SLC7A11: variants seen among roughly 807,000 people sequenced by gnomAD.
The protein encoded by SLC7A11 is cystine/glutamate transporter.
SLC7A11 carries 35 observed loss-of-function variants against 54.5 expected under a neutral mutation model. The observed-to-expected ratio is 0.64, with a 90% CI of 0.49 to 0.85. SLC7A11 has a LOEUF of 0.85. SLC7A11 is among the 40% of genes least tolerant of loss of function. SLC7A11 has a pLI of 0.00. For missense variants in SLC7A11, 583 were observed against 618.1 expected (o/e 0.94, Z 0.60); for synonymous variants, 230 against 225.2 (o/e 1.02, Z -0.19).
At chr4:138,179,491 A>T (rs905316839) in intron 10 of SLC7A11, 97 bp from the exon 11 acceptor site, 51 of 1,044,358 alleles carry the variant, frequency 4.9e-5, no homozygotes, top group Non-Finnish European at 5.8e-5. Context: ...TACTTTAGTG[A>T]TATGCTGTAG....
Position 138,170,250 on chromosome 4 carries a change from G to GTGTGTATATATATATATA in SLC7A11, c.*1705_*1706insTATATATATATATACACA, listed in dbSNP as rs1443314500. The GTGTGTATATATATATATA allele has an allele frequency of 1.3e-5, 1 of 74,074 alleles. No homozygotes were observed. The highest frequency in any genetic ancestry group is 4.7e-5 in the African/African-American group (1 of 21,364). The allele number at this position is 74,074 out of a possible 1,614,324, so 4.6% of individuals were successfully genotyped here. A position where few individuals can be genotyped will look rare whatever the true frequency, so the allele number is the denominator to read the frequency against. ...ATATAAAAAGTGTGTGTGTGTGTGT[G>GTGTGTATATATATATATA]TATATATATATATATATATATACAC... On this transcript the variant is annotated 3_prime_UTR_variant, in exon 12 of 12. Transcript: ENST00000280612.
chr4:138,206,996 C>A (rs114111056), intron 6 of SLC7A11, among the ~76,000 whole-genome samples: 1,277 of 113,232 alleles, frequency 0.011, no homozygotes, highest in Non-Finnish European at 0.015. Flanking sequence ...TAAAGAAAAG[C>A]AAAAAAAAAA....
intron 2 of SLC7A11, among the ~76,000 whole-genome samples, chr4:138,233,956 G>A (rs201160033): frequency 1.4e-5 from 2 of 147,532 alleles, no homozygotes; most frequent in Non-Finnish European, 3.0e-5. Context: ...TTTCCCAGGG[G>A]AAAACTTCTC....
intron 5 of SLC7A11, 46 bp from the exon 6 acceptor site, chr4:138,214,675 T>C (rs1737637642): frequency 2.9e-6 from 2 of 685,620 alleles, no homozygotes; most frequent in South Asian, 3.0e-5. Flanking sequence ...TATTTTACCA[T>C]TATCCAAAGT....
At chr4:138,191,397 GA>G (rs769675469) in intron 6 of SLC7A11, among the ~76,000 whole-genome samples, 1 of 152,066 alleles carries the variant, frequency 6.6e-6, no homozygotes, top group Non-Finnish European at 1.5e-5. Flanking sequence ...CTCCATAAAA[GA>G]AGAGAAGACA....
intron 2 of SLC7A11, among the ~76,000 whole-genome samples, chr4:138,233,819 T>C (rs1434343149): frequency 2.0e-5 from 3 of 152,224 alleles, no homozygotes; most frequent in Non-Finnish European, 4.4e-5. Flanking sequence ...CAAGGCTCCA[T>C]CTGGTCTAAG....
chr4:138,218,828 T>A (rs1352132902), intron 5 of SLC7A11, among the ~76,000 whole-genome samples: 1 of 152,184 alleles, frequency 6.6e-6, no homozygotes, highest in East Asian at 1.9e-4. Flanking sequence ...TTTCTACATC[T>A]GAGTTACTTC....
At chr4:138,212,841 T>C (rs998030595) in intron 6 of SLC7A11, among the ~76,000 whole-genome samples, 1 of 152,026 alleles carries the variant, frequency 6.6e-6, no homozygotes, top group Non-Finnish European at 1.5e-5. Flanking sequence ...TGTTATGTTA[T>C]AGGTCTTGTC....
chr4:138,172,826 C>T (rs554901090), intron 11 of SLC7A11, among the ~76,000 whole-genome samples: 1 of 152,020 alleles, frequency 6.6e-6, no homozygotes, highest in Non-Finnish European at 1.5e-5. Context: ...GACATTAGTT[C>T]TTGTTTGCCT....
At position 138,230,044 on chromosome 4, in the gene SLC7A11, G is replaced by GA. The variant is rs1457764228; in HGVS notation, c.520+2222dup. Reference sequence around the variant, plus strand: ...CTTAGTGGAACAGTGGACTTATCAAGAACTTTCTATAGGCAAGGCACTCTG... The same window carrying GA: ...CTTAGTGGAACAGTGGACTTATCAAGAAACTTTCTATAGGCAAGGCACTCTG... On this transcript the variant is annotated intron_variant, in intron 3 of 11. Coordinates refer to ENST00000280612, the MANE Select transcript of SLC7A11 (RefSeq NM_014331.4). 2.0e-5 allele frequency among the ~76,000 whole-genome samples: 3 copies of GA among 152,096 alleles called. No homozygotes were observed. The East Asian group carries it at 5.8e-4, about 29-fold the overall frequency.
chr4:138,183,147 C>T (rs1736787253), intron 8 of SLC7A11, 55 bp downstream of exon 8: 3 of 1,224,278 alleles, frequency 2.5e-6, no homozygotes, highest in Admixed American at 1.8e-5. Context: ...TTATCCTTAT[C>T]ACATCCAATC....
chr4:138,225,761 G>T (rs1000909670), intron 3 of SLC7A11, among the ~76,000 whole-genome samples: 13 of 152,040 alleles, frequency 8.6e-5, no homozygotes, highest in Admixed American at 7.9e-4. Context: ...CAAAAGGGCA[G>T]TGTTTTCTTT....
chr4:138,218,651 T>C (rs1412928883), intron 5 of SLC7A11, among the ~76,000 whole-genome samples: 2 of 152,200 alleles, frequency 1.3e-5, no homozygotes, highest in African/African-American at 4.8e-5. Flanking sequence ...GGCATCATGA[T>C]TTTAATCATC....
rs921456446 is a variant in SLC7A11, at chr4:138,165,599, C to T, written c.*6357G>A. The T allele has an allele frequency of 6.6e-6, 1 of 152,134 alleles. No homozygotes were observed. Among genetic ancestry groups the T allele is most frequent in the Admixed American group, 6.5e-5 (1 of 15,270 alleles). The allele number at this position is 152,134 out of a possible 1,614,324, so 9.4% of individuals were successfully genotyped here. A position where few individuals can be genotyped will look rare whatever the true frequency, so the allele number is the denominator to read the frequency against. On this transcript the variant is annotated 3_prime_UTR_variant, in exon 12 of 12. Transcript: ENST00000280612. The stretch of plus-strand genomic sequence containing the variant: ...ATGTTGAGAAGTTCTAGTGAAAAGT[C>T]ATACTATTGTGCAAAGATGAAAATT...
chr4:138,194,197 A>G (rs1560724043), intron 6 of SLC7A11, among the ~76,000 whole-genome samples: 2 of 151,886 alleles, frequency 1.3e-5, no homozygotes, highest in Non-Finnish European at 2.9e-5. Context: ...GGTGATGAAG[A>G]CTCCTGGTTG....
Position 138,242,175 on chromosome 4 carries a change from T to C in SLC7A11, c.-106A>G, listed in dbSNP as rs1578680924. The C allele has an allele frequency of 1.6e-5, 21 of 1,302,050 alleles. No individual in the cohort carries two copies. In the East Asian group the frequency reaches 5.3e-4, roughly 33 times the overall value. The allele number at this position is 1,302,050 out of a possible 1,614,324, so 80.7% of individuals were successfully genotyped here. A position where few individuals can be genotyped will look rare whatever the true frequency, so the allele number is the denominator to read the frequency against. ...TCGATGTCTTCCTCTGCTTTCAGAC[T>C]GTCTCTCTCAGCGCTATAGTGTTCA... On this transcript the variant is annotated 5_prime_UTR_variant, in exon 1 of 12. Coordinates refer to ENST00000280612, the MANE Select transcript of SLC7A11 (RefSeq NM_014331.4).
chr4:138,232,347 C>G lies in SLC7A11; in HGVS notation c.440G>C (p.Gly147Ala). 6.2e-7 allele frequency: 1 copy of G among 1,613,300 alleles called. No homozygotes were observed. Among genetic ancestry groups the G allele is most frequent in the Non-Finnish European group, 8.5e-7 (1 of 1,179,396 alleles). The change falls in exon 3 of 12, where the codon GGA (glycine) becomes GCA (alanine). Residue 147 changes from glycine (G) to alanine (A), a missense_variant. By Grantham distance (60) the Gly-to-Ala change is moderately conservative (BLOSUM62 0). Transcript: ENST00000280612. Reference protein sequence around the residue: ...AATAVISLAFGRYILEPFFIQ... With the variant: ...AATAVISLAFARYILEPFFIQ... ...AAAAAATGGTTCCAGAATGTAGCGTCCAAATGCCAGGGATATCACAGCAGT... is the reference window on the plus strand; with the variant it reads ...AAAAAATGGTTCCAGAATGTAGCGTGCAAATGCCAGGGATATCACAGCAGT...
intron 11 of SLC7A11, chr4:138,177,993 T>G (rs1420439432): frequency 6.6e-6 from 1 of 152,140 alleles, no homozygotes; most frequent in Non-Finnish European, 1.5e-5. Flanking sequence ...ACCCCCAGGG[T>G]GATTCTCCTA....
At position 138,165,695 on chromosome 4, in the gene SLC7A11, G is replaced by C. The variant is rs887888909; in HGVS notation, c.*6261C>G. The C allele has an allele frequency of 1.3e-5, 2 of 152,054 alleles. No individual in the cohort carries two copies. Among genetic ancestry groups the C allele is most frequent in the Non-Finnish European group, 2.9e-5 (2 of 67,996 alleles). The allele number at this position is 152,054 out of a possible 1,614,324, so 9.4% of individuals were successfully genotyped here. A position where few individuals can be genotyped will look rare whatever the true frequency, so the allele number is the denominator to read the frequency against. Reference sequence around the variant, plus strand: ...CAAAATATATCCTGATACTACTATAGATTCTAGGAATTGTCCTAAAAGAGT... The same window carrying C: ...CAAAATATATCCTGATACTACTATACATTCTAGGAATTGTCCTAAAAGAGT... On this transcript the variant is annotated 3_prime_UTR_variant, in exon 12 of 12. Coordinates refer to ENST00000280612, the MANE Select transcript of SLC7A11 (RefSeq NM_014331.4).
Sources: gnomAD v4.1 joint callset for allele counts (sites outside exome capture counted in the v4.1 genomes callset) on GRCh38, gnomAD v4.1.1 for gene constraint, MANE v1.5 for transcripts, NCBI Gene and HGNC (gene_info 2026-07-23, HGNC 2026-07-21) for gene names.